The following LRRC39 variants were observed in gnomAD, a reference collection of about 807,000 sequenced individuals.
LRRC39 encodes leucine rich repeat containing 39, also known as leucine-rich repeat-containing protein 39.
A neutral mutation model predicts 39.7 loss-of-function variants in LRRC39; 35 were observed. The observed-to-expected ratio is 0.88, with a 90% CI of 0.67 to 1.17. The LOEUF (loss-of-function observed/expected upper bound fraction) is 1.17, where lower values mean the gene tolerates loss of function less well. Ranked by LOEUF, LRRC39 falls within the 50% of genes most tolerant of loss-of-function variation. The pLI is 0.00. For synonymous variants in LRRC39, 113 were observed against 134.1 expected, an observed-to-expected ratio of 0.84 and a Z score of 1.09; for missense variants, 357 against 385.8, an observed-to-expected ratio of 0.93 and a Z score of 0.62.
At chr1:100,154,984 T>C (rs919022130) in intron 8 of LRRC39, 67 bp downstream of exon 8, 1 of 1,410,718 alleles carries the variant, frequency 7.1e-7, no homozygotes. Context: ...ACAATCTCTC[T>C]ACAGTACTTT....
chr1:100,170,430 A>G (rs1659524253), intron 2 of LRRC39, among the ~76,000 whole-genome samples: 1 of 152,212 alleles, frequency 6.6e-6, no homozygotes, highest in African/African-American at 2.4e-5. Flanking sequence ...TGAAATGTCC[A>G]GAATAGGCAA....
chr1:100,172,588 C>T (rs527637993), intron 2 of LRRC39, among the ~76,000 whole-genome samples: 14 of 151,310 alleles, frequency 9.3e-5, no homozygotes, highest in South Asian at 4.2e-4. Context: ...TTTGGGAGGC[C>T]GAGGTGGGCA....
At chr1:100,163,179 C>A (rs1275169651) in intron 3 of LRRC39, among the ~76,000 whole-genome samples, 2 of 152,110 alleles carry the variant, frequency 1.3e-5, no homozygotes, top group Non-Finnish European at 2.9e-5. Flanking sequence ...AAAAATAGAA[C>A]TATTCAAACA....
chr1:100,167,838 A>G (rs376575463), intron 3 of LRRC39, among the ~76,000 whole-genome samples: 1 of 149,858 alleles, frequency 6.7e-6, no homozygotes, highest in East Asian at 1.9e-4. Flanking sequence ...ATAGAAAGAG[A>G]CAATGAATGA....
chr1:100,167,024 A>G (rs1414970368), intron 3 of LRRC39, among the ~76,000 whole-genome samples: 1 of 152,182 alleles, frequency 6.6e-6, no homozygotes, highest in Non-Finnish European at 1.5e-5. Flanking sequence ...ACAGACTAAT[A>G]CACCAGGGAT....
In LRRC39 at chr1:100,159,363, T is replaced by A; in HGVS notation, c.272A>T (p.His91Leu). The A allele has an allele frequency of 6.2e-7, 1 of 1,612,102 alleles. No individual in the cohort carries two copies. Among genetic ancestry groups the A allele is most frequent in the Non-Finnish European group, 8.5e-7 (1 of 1,178,996 alleles). Residue 91 changes from histidine (H) to leucine (L), a missense_variant, in exon 5 of 10, where the codon CAT (histidine) becomes CTT (leucine). Transcript: ENST00000370137. ...KLNQLQEWQL[H>L]RTGLLKIPEF... ...AGGAATTTTCAGCAAACCAGTTCTA[T>A]GAAGTTGCCATTCCTGTAGTTGATT...
chr1:100,167,114 T>C (rs1659305975), intron 3 of LRRC39, among the ~76,000 whole-genome samples: 2 of 152,200 alleles, frequency 1.3e-5, no homozygotes, highest in African/African-American at 2.4e-5. Flanking sequence ...GATCCAATTC[T>C]GGCCAATGAG....
intron 9 of LRRC39, 151 bp downstream of exon 9, chr1:100,152,234 C>T: frequency 5.2e-6 from 4 of 764,198 alleles, no homozygotes; most frequent in Non-Finnish European, 7.8e-6. Flanking sequence ...TTTTTTTCTT[C>T]CCACAATATT....
At chr1:100,154,103 A>T (rs1658275498) in intron 8 of LRRC39, among the ~76,000 whole-genome samples, 1 of 152,064 alleles carries the variant, frequency 6.6e-6, no homozygotes, top group Non-Finnish European at 1.5e-5. Context: ...TATTAAAATA[A>T]TGCTATGGGT....
chr1:100,157,215 T>C (rs1658522195), intron 6 of LRRC39, among the ~76,000 whole-genome samples: 1 of 152,220 alleles, frequency 6.6e-6, no homozygotes, highest in Non-Finnish European at 1.5e-5. Context: ...TCCCATGTGT[T>C]GTGGGAGGGA....
At chr1:100,175,854 A>G (rs918259927) in intron 1 of LRRC39, among the ~76,000 whole-genome samples, 4 of 152,234 alleles carry the variant, frequency 2.6e-5, no homozygotes, top group Non-Finnish European at 5.9e-5. Flanking sequence ...ATCTGTCAGA[A>G]TGGCTAAAAT....
intron 9 of LRRC39, chr1:100,149,439 T>C (rs1312392618): frequency 6.5e-7 from 1 of 1,538,228 alleles, no homozygotes; most frequent in Non-Finnish European, 8.8e-7. Context: ...TGAAGAGCTG[T>C]TTTCAAAGAA....
At chr1:100,158,924 AT>A (rs201359976) in intron 5 of LRRC39, among the ~76,000 whole-genome samples, 8 of 150,056 alleles carry the variant, frequency 5.3e-5, no homozygotes, top group Admixed American at 1.3e-4. Context: ...TTCTATTTGG[AT>A]TTTTTTTTCC....
intron 1 of LRRC39, among the ~76,000 whole-genome samples, chr1:100,175,395 C>T (rs1047694597): frequency 1.3e-5 from 2 of 149,480 alleles, no homozygotes; most frequent in Non-Finnish European, 3.0e-5. Flanking sequence ...TCCACATTCT[C>T]CAGGCTGGTC....
At chr1:100,178,855 T>C (rs1660116650), upstream of LRRC39, among the ~76,000 whole-genome samples, 1 of 152,132 alleles carries the variant, frequency 6.6e-6, no homozygotes, top group Non-Finnish European at 1.5e-5. Context: ...CTGCCTCCAG[T>C]AGGGAGGTTC....
chr1:100,162,034 T>C (rs977039151), intron 3 of LRRC39, among the ~76,000 whole-genome samples: 6 of 152,332 alleles, frequency 3.9e-5, no homozygotes, highest in African/African-American at 1.4e-4. Context: ...AAGGTTCTGA[T>C]TTATTCACAT....
intron 9 of LRRC39, among the ~76,000 whole-genome samples, chr1:100,150,800 TACC>T (rs1386230298): frequency 2.6e-5 from 4 of 152,274 alleles, no homozygotes; most frequent in Non-Finnish European, 1.5e-5. Context: ...CCTGCACAAT[TACC>T]ACAACTTGCA....
At chr1:100,169,935 T>A (rs1404559621) in intron 2 of LRRC39, among the ~76,000 whole-genome samples, 1 of 152,202 alleles carries the variant, frequency 6.6e-6, no homozygotes, top group African/African-American at 2.4e-5. Context: ...TCCCCGTTGA[T>A]ATACATCCAT....
intron 1 of LRRC39, among the ~76,000 whole-genome samples, chr1:100,177,048 G>C (rs1439609745): frequency 6.6e-6 from 1 of 152,142 alleles, no homozygotes; most frequent in Non-Finnish European, 1.5e-5. Flanking sequence ...AAGTTATTAA[G>C]GTAATCAAGA....
Sources: gnomAD v4.1 joint callset for allele counts (sites outside exome capture counted in the v4.1 genomes callset) on GRCh38, gnomAD v4.1.1 for gene constraint, MANE v1.5 for transcripts, NCBI Gene and HGNC (gene_info 2026-07-23, HGNC 2026-07-21) for gene names.